Variants in NEK7 observed in about 807,000 individuals in gnomAD.
NEK7 encodes the protein NIMA related kinase 7, also known as serine/threonine-protein kinase Nek7.
NEK7 carries 18 observed loss-of-function variants against 44.6 expected under a neutral mutation model. The observed-to-expected ratio is 0.40, with a 90% confidence interval of 0.28 to 0.60. The LOEUF (loss-of-function observed/expected upper bound fraction) is 0.60, where lower values mean the gene tolerates loss of function less well. Among genes scored for constraint, NEK7 ranks in the 20% least tolerant of loss-of-function variants. The pLI, the probability that NEK7 is intolerant of heterozygous loss-of-function variation, is 0.38. For missense variants in NEK7, 256 were observed against 366.5 expected, an observed-to-expected ratio of 0.70 and a Z score of 2.46; for synonymous variants, 130 against 121.1, an observed-to-expected ratio of 1.07 and a Z score of -0.48.
intron 3 of NEK7, among the ~76,000 whole-genome samples, chr1:198,258,313 C>G (rs1032704945): frequency 2.0e-5 from 3 of 152,130 alleles, no homozygotes; most frequent in African/African-American, 7.2e-5. Flanking sequence ...GTGGCACACG[C>G]CTGTAGTCCC....
At chr1:198,226,618 T>C (rs919612131) in intron 1 of NEK7, among the ~76,000 whole-genome samples, 1 of 152,086 alleles carries the variant, frequency 6.6e-6, no homozygotes, top group African/African-American at 2.4e-5. Flanking sequence ...TCATCGTACT[T>C]ACTGTAATAT....
intron 9 of NEK7, among the ~76,000 whole-genome samples, chr1:198,306,684 C>T (rs1240405321): frequency 1.3e-5 from 2 of 152,124 alleles, no homozygotes; most frequent in East Asian, 3.8e-4. Context: ...AGAGACTATT[C>T]ATGGATCCAT....
chr1:198,264,912 T>C (rs1033332411), intron 5 of NEK7, among the ~76,000 whole-genome samples: 1 of 152,052 alleles, frequency 6.6e-6, no homozygotes, highest in African/African-American at 2.4e-5. Context: ...GTTGTAATGA[T>C]TGAATTAATT....
At chr1:198,288,556 G>A (rs1359220740) in intron 7 of NEK7, among the ~76,000 whole-genome samples, 1 of 152,166 alleles carries the variant, frequency 6.6e-6, no homozygotes, top group African/African-American at 2.4e-5. Flanking sequence ...AACTACTTAG[G>A]TTTGAATTCC....
chr1:198,193,281 C>G (rs1665131631), intron 1 of NEK7, among the ~76,000 whole-genome samples: 1 of 152,044 alleles, frequency 6.6e-6, no homozygotes, highest in Non-Finnish European at 1.5e-5. Flanking sequence ...CCTAAATAGA[C>G]CAATAACGAG....
intron 1 of NEK7, among the ~76,000 whole-genome samples, chr1:198,210,812 G>A (rs1206994415): frequency 1.4e-5 from 2 of 139,224 alleles, no homozygotes; most frequent in Admixed American, 7.7e-5. Flanking sequence ...GAGTGCAGTG[G>A]CGCAATCTTG....
At chr1:198,163,290 C>G (rs895552844) in intron 1 of NEK7, among the ~76,000 whole-genome samples, 1 of 151,856 alleles carries the variant, frequency 6.6e-6, no homozygotes, top group Non-Finnish European at 1.5e-5. Flanking sequence ...ACCTGGAGTT[C>G]AAGACCAGCC....
At chr1:198,198,124 A>G in intron 1 of NEK7, 1 of 1,040,142 alleles carries the variant, frequency 9.6e-7, no homozygotes, top group Non-Finnish European at 1.4e-6. Flanking sequence ...TGGAACCTCC[A>G]GGGTACCCTA....
At chr1:198,243,770 A>G (rs548230466) in intron 2 of NEK7, among the ~76,000 whole-genome samples, 1 of 152,272 alleles carries the variant, frequency 6.6e-6, no homozygotes, top group Non-Finnish European at 1.5e-5. Flanking sequence ...TAAGTCTCTG[A>G]CACTTAACGA....
intron 1 of NEK7, among the ~76,000 whole-genome samples, chr1:198,168,137 GGGTCAAGTCCA>G (rs1664324902): frequency 6.6e-6 from 1 of 152,150 alleles, no homozygotes; most frequent in Non-Finnish European, 1.5e-5. Context: ...TTCAAATCGT[GGGTCAAGTCCA>G]GGTGTATTTT....
chr1:198,274,697 G>A lies in NEK7; in HGVS notation c.373-3264G>A, dbSNP rs1010210572. 2.6e-5 allele frequency among the ~76,000 whole-genome samples: 4 copies of A among 151,808 alleles called. No individual in the cohort carries two copies. In the East Asian group the frequency reaches 7.7e-4, roughly 29 times the overall value. ...AGCAGTGTATATTCTACTTGGAGTT[G>A]TAATGTCTAGAATGCAGGAACCAAG... On this transcript the variant is annotated intron_variant, in intron 5 of 9. Transcript: ENST00000367385.
At chr1:198,305,442 A>G (rs1654996939) in intron 9 of NEK7, among the ~76,000 whole-genome samples, 1 of 152,170 alleles carries the variant, frequency 6.6e-6, no homozygotes, top group African/African-American at 2.4e-5. Context: ...ATGTGAAATA[A>G]ACAGGGAGAT....
At chr1:198,217,829 T>C (rs570802461) in intron 1 of NEK7, among the ~76,000 whole-genome samples, 253 of 137,846 alleles carry the variant, frequency 1.8e-3, no homozygotes, top group Middle Eastern at 7.4e-3. Flanking sequence ...AATCCGTTTT[T>C]ACAATAGCTA....
At chr1:198,311,097 A>G (rs943948441) in intron 9 of NEK7, among the ~76,000 whole-genome samples, 10 of 148,970 alleles carry the variant, frequency 6.7e-5, no homozygotes, top group Non-Finnish European at 1.0e-4. Flanking sequence ...ATTTGTTTGT[A>G]TCCTCTTTTA....
chr1:198,312,392 C>A (rs1319507718), intron 9 of NEK7, among the ~76,000 whole-genome samples: 3 of 151,292 alleles, frequency 2.0e-5, no homozygotes, highest in Non-Finnish European at 1.5e-5. Context: ...AAAACCAGCT[C>A]CTGGATTCAT....
At chr1:198,219,283 A>G (rs1024001709) in intron 1 of NEK7, among the ~76,000 whole-genome samples, 1 of 149,546 alleles carries the variant, frequency 6.7e-6, no homozygotes, top group African/African-American at 2.4e-5. Context: ...CTATTTTTAT[A>G]TATAATTAAT....
intron 1 of NEK7, among the ~76,000 whole-genome samples, chr1:198,166,151 C>G (rs1664261001): frequency 6.6e-6 from 1 of 152,246 alleles, no homozygotes; most frequent in South Asian, 2.1e-4. Context: ...AAAACTTTCT[C>G]TGTCTCAGCC....
At chr1:198,316,071 C>T (rs149621826) in intron 9 of NEK7, among the ~76,000 whole-genome samples, 136 of 152,210 alleles carry the variant, frequency 8.9e-4, no homozygotes, top group African/African-American at 3.1e-3. Flanking sequence ...GATAAACCTC[C>T]AAAAGAAACT....
chr1:198,168,002 T>C (rs1664321404), intron 1 of NEK7, among the ~76,000 whole-genome samples: 2 of 152,216 alleles, frequency 1.3e-5, no homozygotes, highest in South Asian at 4.1e-4. Flanking sequence ...CTGTTTTCTA[T>C]CAGCGATTTG....
Sources: gnomAD v4.1 joint callset for allele counts (sites outside exome capture counted in the v4.1 genomes callset) on GRCh38, gnomAD v4.1.1 for gene constraint, MANE v1.5 for transcripts, NCBI Gene and HGNC (gene_info 2026-07-23, HGNC 2026-07-21) for gene names.